CEP83: variants seen among roughly 807,000 people sequenced by gnomAD.
CEP83 encodes the protein centrosomal protein of 83 kDa.
Under a neutral mutation model 101.9 loss-of-function variants are expected in CEP83, and 70 were observed. That is an observed-to-expected ratio of 0.69 (90% CI 0.57 to 0.84). The LOEUF (loss-of-function observed/expected upper bound fraction) is 0.84, where lower values mean the gene tolerates loss of function less well. CEP83 is among the 40% of genes least tolerant of loss of function. The pLI is 0.00. For synonymous variants in CEP83, 264 were observed against 267.9 expected (o/e 0.99, Z 0.14); for missense variants, 715 against 787.2 (o/e 0.91, Z 1.10).
At chr12:94,418,139 G>A (rs935279862) in intron 2 of CEP83, among the ~76,000 whole-genome samples, 2 of 151,904 alleles carry the variant, frequency 1.3e-5, no homozygotes, top group Admixed American at 6.6e-5. Context: ...AGGCAGGTGG[G>A]TTACTTGAGG....
chr12:94,388,170 ATCAACCTGGG>A (rs2062270270), intron 6 of CEP83, among the ~76,000 whole-genome samples: 1 of 152,254 alleles, frequency 6.6e-6, no homozygotes, highest in South Asian at 2.1e-4. Flanking sequence ...AAAACATGGA[ATCAACCTGGG>A]TTCCCATCAA....
chr12:94,289,354 G>A, the CEP83 span, among the ~76,000 whole-genome samples: 3 of 152,266 alleles, frequency 2.0e-5, no homozygotes, highest in South Asian at 6.2e-4. Flanking sequence ...ATGATTGGAG[G>A]GGAATCGCTT....
In CEP83 at chr12:94,367,776, T is replaced by C. The variant is rs540895757; in HGVS notation, c.1343+18A>G. 19 of 1,544,628 alleles carry C rather than the reference T, an allele frequency of 1.2e-5. No individual in the cohort carries two copies. In the South Asian group the frequency reaches 2.3e-4, roughly 18 times the overall value. The stretch of plus-strand genomic sequence containing the variant: ...TTATTTCAACATGAAAAACTTTAAA[T>C]ATATATGTATATATAACCTAACACT... On this transcript the variant is annotated intron_variant, in intron 11 of 16. Transcript: ENST00000397809.
intron 11 of CEP83, among the ~76,000 whole-genome samples, chr12:94,348,096 A>G (rs147542763): frequency 0.032 from 4,878 of 152,130 alleles, 99 homozygotes; most frequent in Non-Finnish European, 0.051. Context: ...AATTTTATGT[A>G]TATTTTACCA....
At chr12:94,347,914 C>T (rs985866762) in intron 11 of CEP83, among the ~76,000 whole-genome samples, 4 of 151,944 alleles carry the variant, frequency 2.6e-5, no homozygotes, top group Non-Finnish European at 4.4e-5. Flanking sequence ...ATTTTAGGTA[C>T]ATTAAATGAT....
intron 2 of CEP83, among the ~76,000 whole-genome samples, chr12:94,433,765 C>T (rs547986211): frequency 6.6e-6 from 1 of 151,958 alleles, no homozygotes; most frequent in South Asian, 2.1e-4. Flanking sequence ...ACCCATCCCC[C>T]AGCAAAAAGT....
chr12:94,437,113 G>A (rs1336629997), intron 1 of CEP83, among the ~76,000 whole-genome samples: 1 of 151,972 alleles, frequency 6.6e-6, no homozygotes, highest in Non-Finnish European at 1.5e-5. Flanking sequence ...GGAGGCCAAG[G>A]CAGGAGGATC....
intron 1 of CEP83, among the ~76,000 whole-genome samples, chr12:94,450,052 A>C (rs2067134710): frequency 6.6e-6 from 1 of 152,182 alleles, no homozygotes; most frequent in Non-Finnish European, 1.5e-5. Context: ...AGCTAACATT[A>C]TACCTGATGG....
At chr12:94,280,152 T>C in the CEP83 span, 155,398 of 243,232 alleles carry the variant, frequency 0.64, 50,280 homozygotes, top group African/African-American at 0.7. Context: ...CCGTCCTCCC[T>C]CAGTGTGCAG....
At chr12:94,447,985 G>A (rs1170682801) in intron 1 of CEP83, among the ~76,000 whole-genome samples, 1 of 152,070 alleles carries the variant, frequency 6.6e-6, no homozygotes, top group Non-Finnish European at 1.5e-5. Context: ...TACATTACAT[G>A]TGAATGAACT....
At chr12:94,384,673 T>C (rs1205105033) in intron 6 of CEP83, among the ~76,000 whole-genome samples, 1 of 152,200 alleles carries the variant, frequency 6.6e-6, no homozygotes, top group Non-Finnish European at 1.5e-5. Context: ...ATCCCTTCCA[T>C]TCTGCAGTTG....
the CEP83 span, among the ~76,000 whole-genome samples, chr12:94,271,388 CT>C: frequency 6.6e-6 from 1 of 152,226 alleles, no homozygotes; most frequent in South Asian, 2.1e-4. Flanking sequence ...TTCCCCTGCC[CT>C]TGATTCATCC....
intron 11 of CEP83, among the ~76,000 whole-genome samples, chr12:94,348,165 AG>A (rs1264068614): frequency 1.3e-5 from 2 of 152,038 alleles, no homozygotes; most frequent in Non-Finnish European, 2.9e-5. Context: ...AAAGAAAGAA[AG>A]CACACGTATA....
chr12:94,325,794 T>C (rs2058950459), intron 14 of CEP83, among the ~76,000 whole-genome samples: 2 of 152,210 alleles, frequency 1.3e-5, no homozygotes, highest in African/African-American at 4.8e-5. Context: ...TTATGAGTTC[T>C]TATTTTAGGT....
the CEP83 span, among the ~76,000 whole-genome samples, chr12:94,285,211 CCT>C: frequency 1.4e-4 from 21 of 152,234 alleles, 1 homozygote; most frequent in Admixed American, 6.5e-4. Flanking sequence ...GTAGGGACCC[CCT>C]GTTTTTCATG....
intron 5 of CEP83, 32 bp downstream of exon 5, chr12:94,403,138 T>C (rs1341491899): frequency 1.8e-6 from 2 of 1,088,960 alleles, no homozygotes; most frequent in East Asian, 4.7e-5. Flanking sequence ...CCCATGAGGA[T>C]AAATGCATAG....
At chr12:94,326,135 A>G (rs1299644734) in intron 14 of CEP83, among the ~76,000 whole-genome samples, 1 of 152,132 alleles carries the variant, frequency 6.6e-6, no homozygotes, top group African/African-American at 2.4e-5. Context: ...CTCTTCAACA[A>G]TGAGATTTTG....
At chr12:94,299,492 T>C in the CEP83 span, among the ~76,000 whole-genome samples, 1 of 152,198 alleles carries the variant, frequency 6.6e-6, no homozygotes, top group Non-Finnish European at 1.5e-5. Context: ...CCTCTAGGTC[T>C]AATCTCCCAT....
At chr12:94,300,538 T>C in the CEP83 span, among the ~76,000 whole-genome samples, 5 of 152,046 alleles carry the variant, frequency 3.3e-5, no homozygotes, top group African/African-American at 9.7e-5. Context: ...CTCAGAGGGT[T>C]GGAGCAGAGG....
Sources: gnomAD v4.1 joint callset for allele counts (sites outside exome capture counted in the v4.1 genomes callset) on GRCh38, gnomAD v4.1.1 for gene constraint, MANE v1.5 for transcripts, NCBI Gene and HGNC (gene_info 2026-07-23, HGNC 2026-07-21) for gene names.